Variants in SLC7A5 observed in about 807,000 individuals in gnomAD.
SLC7A5 encodes solute carrier family 7 member 5.
In SLC7A5, 23 loss-of-function variants were observed where a neutral mutation model predicts 50.2. That is an observed-to-expected ratio of 0.46 (90% CI 0.33 to 0.65). The LOEUF is 0.65. SLC7A5 is among the 30% of genes least tolerant of loss of function. SLC7A5 has a pLI of 0.02. For synonymous variants in SLC7A5, 393 were observed against 330.6 expected, an observed-to-expected ratio of 1.19 and a Z score of -2.05; for missense variants, 578 against 684.4, an observed-to-expected ratio of 0.84 and a Z score of 1.73.
intron 2 of SLC7A5, among the ~76,000 whole-genome samples, chr16:87,842,156 C>T (rs994885721): frequency 2.6e-5 from 4 of 152,244 alleles, no homozygotes; most frequent in Non-Finnish European, 5.9e-5. Flanking sequence ...TCCTGCCTAC[C>T]TGCCAGGTGC....
chr16:87,840,550 G>A, intron 3 of SLC7A5, 77 bp from the exon 4 acceptor site: 2 of 1,294,056 alleles, frequency 1.5e-6, no homozygotes. Flanking sequence ...GAGCATCCCA[G>A]GGCAGCTGGT....
At chr16:87,851,117 G>A (rs967673926) in intron 2 of SLC7A5, among the ~76,000 whole-genome samples, 1 of 152,242 alleles carries the variant, frequency 6.6e-6, no homozygotes, top group African/African-American at 2.4e-5. Context: ...CTGTGCGCCA[G>A]ACTGCTCTCA....
At position 87,831,353 on chromosome 16, in the gene SLC7A5, C is replaced by G. The variant is rs1387259288; in HGVS notation, c.*1617G>C. The stretch of plus-strand genomic sequence containing the variant: ...GAGAGACGGACATCTGGTCCTGAGT[C>G]CCCAAACTGTTCATCAGGTTTCTCC... On this transcript the variant is annotated 3_prime_UTR_variant, in exon 10 of 10. Coordinates refer to ENST00000261622, the MANE Select transcript of SLC7A5 (RefSeq NM_003486.7). The G allele has an allele frequency of 2.0e-5, 3 of 152,292 alleles. No individual in the cohort carries two copies. Among genetic ancestry groups the G allele is most frequent in the Non-Finnish European group, 4.4e-5 (3 of 68,074 alleles). The allele number at this position is 152,292 out of a possible 1,614,324, so 9.4% of individuals were successfully genotyped here.
At chr16:87,837,664 G>T in intron 7 of SLC7A5, 181 bp downstream of exon 7, 1 of 590,174 alleles carries the variant, frequency 1.7e-6, no homozygotes, top group Non-Finnish European at 3.0e-6. Flanking sequence ...TATTATTTTT[G>T]GAATAAAATC....
chr16:87,854,397 G>A (rs1314212873), intron 1 of SLC7A5, among the ~76,000 whole-genome samples: 2 of 152,188 alleles, frequency 1.3e-5, no homozygotes, highest in Admixed American at 6.5e-5. Context: ...GTTTTAAGAT[G>A]AGATAAAATC....
At chr16:87,867,711 A>G (rs1047630044) in intron 1 of SLC7A5, among the ~76,000 whole-genome samples, 1 of 152,158 alleles carries the variant, frequency 6.6e-6, no homozygotes, top group Non-Finnish European at 1.5e-5. Context: ...ATGCAGGCCG[A>G]TCCATGCCAT....
At chr16:87,844,509 C>A (rs2143753542) in intron 2 of SLC7A5, among the ~76,000 whole-genome samples, 1 of 152,344 alleles carries the variant, frequency 6.6e-6, no homozygotes, top group Middle Eastern at 3.4e-3. Flanking sequence ...CCAGGGACGC[C>A]CCCAGTGGCC....
rs973444327 is a variant in SLC7A5 at position 87,853,726 on chromosome 16, G to C, written c.539-1877C>G. The stretch of plus-strand genomic sequence containing the variant: ...GGCTTCTGGAGAGCTTTCTGGATTC[G>C]CAAGAGGCCGGCTGATTGCATCACT... On this transcript the variant is annotated intron_variant, in intron 1 of 9. Transcript: ENST00000261622. The surrounding 1 kb of genome is among the most constrained non-coding windows in gnomAD (Gnocchi z 4.4). 6.6e-6 allele frequency among the ~76,000 whole-genome samples: 1 copy of C among 151,766 alleles called. No individual in the cohort carries two copies. Among genetic ancestry groups the C allele is most frequent in the Non-Finnish European group, 1.5e-5 (1 of 68,004 alleles).
At chr16:87,840,873 G>A (rs947169734) in intron 3 of SLC7A5, among the ~76,000 whole-genome samples, 177 bp downstream of exon 3, 1 of 152,054 alleles carries the variant, frequency 6.6e-6, no homozygotes, top group Non-Finnish European at 1.5e-5. Context: ...ACGCTTCGTC[G>A]GGATGTGGGT....
intron 2 of SLC7A5, among the ~76,000 whole-genome samples, chr16:87,848,606 G>T (rs1466323571): frequency 6.6e-6 from 1 of 152,174 alleles, no homozygotes; most frequent in Non-Finnish European, 1.5e-5. Flanking sequence ...AGGAGGCAAG[G>T]GCTCCCGACC....
At chr16:87,840,204 C>T (rs1263409050) in intron 4 of SLC7A5, among the ~76,000 whole-genome samples, 1 of 152,242 alleles carries the variant, frequency 6.6e-6, no homozygotes, top group Non-Finnish European at 1.5e-5. Context: ...TACCGTCCCG[C>T]CCTGAGTGGG....
rs1390884161 is a variant in SLC7A5 at position 87,852,649 on chromosome 16, T to TGTGTGC, written c.539-801_539-800insGCACAC. Among the ~76,000 whole-genome samples, 18 of 138,540 alleles carry TGTGTGC rather than the reference T, an allele frequency of 1.3e-4. No individual in the cohort carries two copies. The highest frequency in any genetic ancestry group is 2.6e-4 in the Non-Finnish European group (17 of 65,660). The allele number at this position is 138,540 out of a possible 152,430, so 90.9% of individuals were successfully genotyped here. A position where few individuals can be genotyped will look rare whatever the true frequency, so the allele number is the denominator to read the frequency against. ...CCAGCTCTGAGCCTCTGTGTGTGTGTGTGTGTGTGTGTGTGTGTGTGTGTG... is the reference window on the plus strand; with the variant it reads ...CCAGCTCTGAGCCTCTGTGTGTGTGTGTGTGCGTGTGTGTGTGTGTGTGTGTGTGTG... On this transcript the variant is annotated intron_variant, in intron 1 of 9. Transcript: ENST00000261622. The surrounding 1 kb of genome is among the most constrained non-coding windows in gnomAD (Gnocchi z 4.5).
Position 87,869,198 on chromosome 16 carries a change from C to T in SLC7A5, c.225G>A (p.Val75=). The T allele has an allele frequency of 6.2e-7, 1 of 1,612,536 alleles. No individual in the cohort carries two copies. The highest frequency in any genetic ancestry group is 8.5e-7 in the Non-Finnish European group (1 of 1,179,830). ...GCCCCGGCGAGCCTGCCTCCTTGAG[C>T]ACGCCCGTGGGCGTCACGAAGATGC... The part of the protein sequence containing the change: ...GSGIFVTPTG[V]LKEAGSPGLA... The change falls in exon 1 of 10, where the codon GTG becomes GTA. Residue 75 remains valine, a synonymous_variant. Transcript: ENST00000261622.
At chr16:87,851,412 C>T (rs183192042) in intron 2 of SLC7A5, among the ~76,000 whole-genome samples, 62 of 152,346 alleles carry the variant, frequency 4.1e-4, no homozygotes, top group African/African-American at 1.5e-3. Flanking sequence ...GAATGTTCCA[C>T]ATCGCCCCCA....
rs562990704 is a variant in SLC7A5, at chr16:87,850,506, G to A, written c.664+1218C>T. Among the ~76,000 whole-genome samples the A allele has an allele frequency of 1.4e-4, 22 of 152,366 alleles. No individual in the cohort carries two copies. The Middle Eastern group carries it at 0.014, about 94-fold the overall frequency. ...ATCGGTGACTGCGAGTCACCAGAGC[G>A]TGCATCCGCCGGGTGCCTGCACTCA... On this transcript the variant is annotated intron_variant, in intron 2 of 9. Transcript: ENST00000261622.
intron 4 of SLC7A5, 39 bp downstream of exon 4, chr16:87,840,390 A>G: frequency 6.4e-7 from 1 of 1,563,432 alleles, no homozygotes; most frequent in South Asian, 1.1e-5. Context: ...TCACATTAAA[A>G]TAATGAAAAA....
At position 87,840,518 on chromosome 16, in the gene SLC7A5, G is replaced by A. The variant is rs774415101; in HGVS notation, c.771-45C>T. ...GTTCAAATTATATGATCCTCATCAG[G>A]GAAAATAAATCACCGGGGAGAGAGC... On this transcript the variant is annotated intron_variant, in intron 3 of 9. Transcript: ENST00000261622. 6 of 1,501,400 alleles carry A rather than the reference G, an allele frequency of 4.0e-6. No homozygotes were observed. In the Admixed American group the frequency reaches 8.3e-5, roughly 21 times the overall value. The allele number at this position is 1,501,400 out of a possible 1,614,324, so 93.0% of individuals were successfully genotyped here. A position where few individuals can be genotyped will look rare whatever the true frequency, so the allele number is the denominator to read the frequency against.
chr16:87,834,711 C>T (rs2054976182), intron 8 of SLC7A5, 120 bp from the exon 9 acceptor site: 6 of 1,011,272 alleles, frequency 5.9e-6, no homozygotes, highest in Non-Finnish European at 9.1e-6. Context: ...TCCAGGTCAC[C>T]AAGATGCGAT....
intron 2 of SLC7A5, among the ~76,000 whole-genome samples, chr16:87,850,172 G>T (rs921899082): frequency 6.6e-6 from 1 of 152,184 alleles, no homozygotes; most frequent in Admixed American, 6.5e-5. Context: ...GGAGCAAGGC[G>T]GAGGCTCAGC....
Sources: gnomAD v4.1 joint callset for allele counts (sites outside exome capture counted in the v4.1 genomes callset) on GRCh38, gnomAD v4.1.1 for gene constraint, Gnocchi (gnomAD v3.1) non-coding constraint, MANE v1.5 for transcripts, NCBI Gene and HGNC (gene_info 2026-07-23, HGNC 2026-07-21) for gene names.